GFRA2: variants seen among roughly 807,000 people sequenced by gnomAD.
The protein encoded by GFRA2 is GDNF family receptor alpha-2.
GFRA2 carries 17 observed loss-of-function variants against 48.3 expected under a neutral mutation model. The observed-to-expected ratio is 0.35, with a 90% CI of 0.24 to 0.53. The LOEUF (loss-of-function observed/expected upper bound fraction) is 0.53. GFRA2 is among the 20% of genes least tolerant of loss of function. The pLI is 0.93. For missense variants in GFRA2, 660 were observed against 637.3 expected (o/e 1.04, Z -0.38); for synonymous variants, 305 against 257.2 (o/e 1.19, Z -1.78).
At chr8:21,723,613 C>G (rs1585256190) in intron 4 of GFRA2, among the ~76,000 whole-genome samples, 4 of 152,258 alleles carry the variant, frequency 2.6e-5, no homozygotes, top group South Asian at 2.1e-4. Context: ...AGGGTTCCAC[C>G]ACCACCCTCT....
intron 4 of GFRA2, among the ~76,000 whole-genome samples, chr8:21,722,854 C>T (rs892635669): frequency 2.6e-5 from 4 of 152,202 alleles, no homozygotes; most frequent in African/African-American, 9.7e-5. Flanking sequence ...CCAAGGCCTC[C>T]CCATGTAGGC....
At chr8:21,703,942 C>G (rs1212642062) in intron 6 of GFRA2, among the ~76,000 whole-genome samples, 1 of 152,254 alleles carries the variant, frequency 6.6e-6, no homozygotes, top group South Asian at 2.1e-4. Flanking sequence ...CTGATCTGAT[C>G]TCACACCCTT....
chr8:21,720,694 C>T (rs976234182), intron 4 of GFRA2, among the ~76,000 whole-genome samples: 1 of 152,168 alleles, frequency 6.6e-6, no homozygotes, highest in East Asian at 1.9e-4. Flanking sequence ...GCTGAGAAAG[C>T]CTTCTCCTTA....
intron 2 of GFRA2, among the ~76,000 whole-genome samples, chr8:21,780,072 A>C (rs1190534304): frequency 6.7e-6 from 1 of 148,544 alleles, no homozygotes; most frequent in East Asian, 2.0e-4. Context: ...TTTTTTTTTA[A>C]GCATCCTTTG....
chr8:21,788,837 T>C lies in GFRA2; in HGVS notation c.-678A>G. On this transcript the variant is annotated 5_prime_UTR_variant, in exon 1 of 9. Transcript: ENST00000524240. ...CTCTCTCCTCTCTCTCTCTCTCCTC[T>C]CCCTCGCTCGCTCTTTGCTCTCGCT... 1.0e-6 allele frequency: 1 copy of C among 972,880 alleles called. No individual in the cohort carries two copies. The highest frequency in any genetic ancestry group is 1.2e-6 in the Non-Finnish European group (1 of 818,510). 60.3% of individuals were successfully genotyped at this position (972,880 alleles called of 1,614,324 possible).
intron 2 of GFRA2, among the ~76,000 whole-genome samples, chr8:21,775,472 A>T (rs1368700756): frequency 6.6e-6 from 1 of 152,146 alleles, no homozygotes. Context: ...ATTTCACAAG[A>T]GAGGGCTCTG....
At chr8:21,699,432 G>T (rs1802362305) in intron 7 of GFRA2, among the ~76,000 whole-genome samples, 1 of 152,206 alleles carries the variant, frequency 6.6e-6, no homozygotes, top group Non-Finnish European at 1.5e-5. Flanking sequence ...GGAAGCAAAG[G>T]AGATGGTATG....
chr8:21,780,282 C>T (rs989054685), intron 2 of GFRA2, among the ~76,000 whole-genome samples: 4 of 152,048 alleles, frequency 2.6e-5, no homozygotes, highest in Non-Finnish European at 5.9e-5. Flanking sequence ...AGTGTGTCAC[C>T]CTCTGAGGCA....
chr8:21,726,588 G>A (rs1200110737), intron 4 of GFRA2, among the ~76,000 whole-genome samples: 1 of 152,038 alleles, frequency 6.6e-6, no homozygotes, highest in Non-Finnish European at 1.5e-5. Context: ...CCCGGCATCC[G>A]TTGCTTGTGG....
chr8:21,762,438 C>A (rs1252461738), intron 3 of GFRA2, among the ~76,000 whole-genome samples: 1 of 152,160 alleles, frequency 6.6e-6, no homozygotes, highest in Non-Finnish European at 1.5e-5. Flanking sequence ...TTAGTCCAAG[C>A]TTCTTTATAA....
intron 6 of GFRA2, among the ~76,000 whole-genome samples, chr8:21,704,281 C>T (rs1161202595): frequency 6.6e-6 from 1 of 152,200 alleles, no homozygotes; most frequent in Non-Finnish European, 1.5e-5. Flanking sequence ...TCCTGGCTGA[C>T]TTGGGCATCC....
At chr8:21,780,145 CT>C (rs1350986980) in intron 2 of GFRA2, among the ~76,000 whole-genome samples, 2 of 152,012 alleles carry the variant, frequency 1.3e-5, no homozygotes, top group East Asian at 3.9e-4. Flanking sequence ...CCCAATCCCC[CT>C]GTTCCTGTCT....
intron 4 of GFRA2, among the ~76,000 whole-genome samples, chr8:21,748,149 A>G (rs1805103853): frequency 1.3e-5 from 2 of 152,132 alleles, no homozygotes; most frequent in South Asian, 4.1e-4. Flanking sequence ...AGTACTCAAT[A>G]ACTTCCAAAC....
At position 21,795,537 on chromosome 8, in the gene GFRA2, C is replaced by T. The variant is rs932199060; in HGVS notation, c.-35-7343G>A. ...CATCCCGAGTAGGTGGAATTACAGGCGTGTGCTGCCTTGCCTGGCTAATTT... is the reference window on the plus strand; with the variant it reads ...CATCCCGAGTAGGTGGAATTACAGGTGTGTGCTGCCTTGCCTGGCTAATTT... On this transcript the variant is annotated intron_variant, in intron 2 of 10. Coordinates refer to the GFRA2 transcript ENST00000517328. Among the ~76,000 whole-genome samples, 15 of 152,158 alleles carry T rather than the reference C, an allele frequency of 9.9e-5. No homozygotes were observed. In the East Asian group the frequency reaches 2.1e-3, roughly 22 times the overall value.
intron 2 of GFRA2, among the ~76,000 whole-genome samples, chr8:21,798,799 G>T (rs979467300): frequency 3.9e-5 from 6 of 152,142 alleles, no homozygotes; most frequent in Non-Finnish European, 8.8e-5. Flanking sequence ...CAGTGACTCG[G>T]TGCTCCTTTG....
chr8:21,729,359 C>T (rs1187476523), intron 4 of GFRA2, among the ~76,000 whole-genome samples: 1 of 152,100 alleles, frequency 6.6e-6, no homozygotes, highest in Admixed American at 6.5e-5. Context: ...AGTGGATAGG[C>T]ATTCCCACTG....
chr8:21,690,888 T>C lies in GFRA2; in HGVS notation c.*2390A>G, dbSNP rs746370668. The stretch of plus-strand genomic sequence containing the variant: ...CCCATAGCCTTCCAGTAAAGTACTT[T>C]TTAAGTTAAATGGTCTTTGCTGTTT... On this transcript the variant is annotated 3_prime_UTR_variant, in exon 9 of 9. Coordinates refer to ENST00000524240, the MANE Select transcript of GFRA2 (RefSeq NM_001495.5). The C allele has an allele frequency of 6.6e-6, 1 of 152,232 alleles. No individual in the cohort carries two copies. Among genetic ancestry groups the C allele is most frequent in the African/African-American group, 2.4e-5 (1 of 41,424 alleles). The allele number at this position is 152,232 out of a possible 1,614,324, so 9.4% of individuals were successfully genotyped here.
intron 4 of GFRA2, among the ~76,000 whole-genome samples, chr8:21,708,862 A>C (rs1659148222): frequency 1.3e-5 from 2 of 152,234 alleles, no homozygotes; most frequent in Admixed American, 6.5e-5. Flanking sequence ...TCAGGCCTCC[A>C]GAACAGTGAA....
rs906850730 is a variant in GFRA2 at position 21,776,033 on chromosome 8, G to A, written c.356-978C>T. Among the ~76,000 whole-genome samples, 354 of 140,178 alleles carry A rather than the reference G, an allele frequency of 2.5e-3. 5 individuals are homozygous for A. Among genetic ancestry groups the A allele is most frequent in the Non-Finnish European group, 4.4e-3 (288 of 64,960 alleles). The allele number at this position is 140,178 out of a possible 152,430, so 92.0% of individuals were successfully genotyped here. A position where few individuals can be genotyped will look rare whatever the true frequency, so the allele number is the denominator to read the frequency against. On this transcript the variant is annotated intron_variant, in intron 2 of 8. Coordinates refer to ENST00000524240, the MANE Select transcript of GFRA2 (RefSeq NM_001495.5). The stretch of plus-strand genomic sequence containing the variant: ...TGTGTGTGTGTGTGTGTGTGTGTGT[G>A]TGTGTGTAGTGAAAAGCAGGGCACA...
Sources: gnomAD v4.1 joint callset for allele counts (sites outside exome capture counted in the v4.1 genomes callset) on GRCh38, gnomAD v4.1.1 for gene constraint, MANE v1.5 for transcripts, NCBI Gene and HGNC (gene_info 2026-07-23, HGNC 2026-07-21) for gene names.